The following XXYLT1 variants were observed in gnomAD, a reference collection of about 807,000 sequenced individuals.
XXYLT1 encodes the protein UDP-xylose:alpha-xyloside alpha-1,3-xylosyltransferase.
In XXYLT1, 20 loss-of-function variants were observed where a neutral mutation model predicts 28.9. The ratio of observed to expected loss-of-function variants is 0.69; its 90% CI spans 0.49 to 1.00. XXYLT1 has a LOEUF of 1.00. Among genes scored for constraint, XXYLT1 ranks in the 50% least tolerant of loss-of-function variants. XXYLT1 has a pLI of 0.00. For missense variants in XXYLT1, 542 were observed against 560.1 expected (o/e 0.97, Z 0.33); for synonymous variants, 257 against 253.8 (o/e 1.01, Z -0.12).
At position 195,078,055 on chromosome 3, in the gene XXYLT1, G is replaced by T. The variant is rs1047836729; in HGVS notation, c.786-7944C>A. 6.6e-6 allele frequency among the ~76,000 whole-genome samples: 1 copy of T among 152,150 alleles called. No homozygotes were observed. The highest frequency in any genetic ancestry group is 6.5e-5 in the Admixed American group (1 of 15,284). ...ATGAGGGGGAAGAGGCAGTGGAGGG[G>T]CTTTAAGCCTGGATCCCTACTCAGA... On this transcript the variant is annotated intron_variant, in intron 3 of 3. Transcript: ENST00000310380. This position sits in a 1 kb window ranked among gnomAD's most constrained non-coding sequence, Gnocchi z 5.0.
At chr3:195,142,305 CT>C (rs1560116170) in intron 3 of XXYLT1, among the ~76,000 whole-genome samples, 1 of 152,314 alleles carries the variant, frequency 6.6e-6, no homozygotes, top group South Asian at 2.1e-4. Context: ...TGATGTTTAT[CT>C]TTACTTACTA....
intron 2 of XXYLT1, among the ~76,000 whole-genome samples, chr3:195,187,083 C>G (rs114373772): frequency 2.0e-5 from 3 of 150,846 alleles, no homozygotes; most frequent in African/African-American, 7.3e-5. Flanking sequence ...TTAATAGAGA[C>G]GGGAATTAGC....
At chr3:195,248,244 C>T (rs1244833178) in intron 1 of XXYLT1, among the ~76,000 whole-genome samples, 3 of 152,180 alleles carry the variant, frequency 2.0e-5, no homozygotes. Context: ...TCAACAGATA[C>T]TACCTCAGGA....
chr3:195,165,407 G>A (rs576983957), intron 2 of XXYLT1, among the ~76,000 whole-genome samples: 26 of 152,260 alleles, frequency 1.7e-4, no homozygotes, highest in South Asian at 6.2e-4. Context: ...TTCTCAGCGA[G>A]AGGAAGATGT....
intron 3 of XXYLT1, among the ~76,000 whole-genome samples, chr3:195,108,135 T>G (rs1373765861): frequency 2.6e-5 from 4 of 152,244 alleles, no homozygotes; most frequent in Admixed American, 2.6e-4. Flanking sequence ...GAGGCAACCC[T>G]GGGTCACCTG....
At chr3:195,185,616 C>T (rs1722165081) in intron 2 of XXYLT1, among the ~76,000 whole-genome samples, 1 of 150,904 alleles carries the variant, frequency 6.6e-6, no homozygotes, top group Non-Finnish European at 1.5e-5. Flanking sequence ...AGAGCTGTGG[C>T]ACACATTATT....
intron 3 of XXYLT1, among the ~76,000 whole-genome samples, chr3:195,112,564 G>A (rs74969949): frequency 0.028 from 4,087 of 146,072 alleles, 157 homozygotes; most frequent in African/African-American, 0.099. Context: ...GCTAGATGAA[G>A]CAGTGCACAC....
intron 3 of XXYLT1, chr3:195,153,775 G>A (rs993484845): frequency 6.6e-6 from 1 of 152,188 alleles, no homozygotes; most frequent in African/African-American, 2.4e-5. Flanking sequence ...TATATCACAT[G>A]AGAAGATTCC....
rs1375965313 is a variant in XXYLT1 at position 195,115,411 on chromosome 3, G to A, written c.785+41038C>T. On this transcript the variant is annotated intron_variant, in intron 3 of 3. Transcript: ENST00000310380. The surrounding 1 kb of genome is among the most constrained non-coding windows in gnomAD (Gnocchi z 4.2). Reference sequence around the variant, plus strand: ...GCTGGCAACAGCTGCTTCTGAACTAGCCAGGAGTCCTTCAAAAGGCCCAGC... The same window carrying A: ...GCTGGCAACAGCTGCTTCTGAACTAACCAGGAGTCCTTCAAAAGGCCCAGC... 6.6e-6 allele frequency among the ~76,000 whole-genome samples: 1 copy of A among 152,180 alleles called. No homozygotes were observed. The highest frequency in any genetic ancestry group is 1.5e-5 in the Non-Finnish European group (1 of 68,054).
At chr3:195,109,414 GGT>G (rs56018737) in intron 3 of XXYLT1, among the ~76,000 whole-genome samples, 4 of 150,952 alleles carry the variant, frequency 2.6e-5, no homozygotes, top group East Asian at 1.9e-4. Flanking sequence ...GCATGTGTAT[GGT>G]GTGTGTGTTG....
chr3:195,213,926 A>G (rs2108783349), intron 2 of XXYLT1, among the ~76,000 whole-genome samples: 1 of 152,304 alleles, frequency 6.6e-6, no homozygotes, highest in South Asian at 2.1e-4. Context: ...AGGAGTCACG[A>G]GGGGTTTAGG....
chr3:195,196,385 C>T (rs1404296619), intron 2 of XXYLT1, among the ~76,000 whole-genome samples: 2 of 152,198 alleles, frequency 1.3e-5, no homozygotes, highest in African/African-American at 4.8e-5. Context: ...TTCCCCACAG[C>T]CTACAGGGTC....
rs1349316187 is a variant in XXYLT1, at chr3:195,129,652, C to A, written c.785+26797G>T. Among the ~76,000 whole-genome samples the A allele has an allele frequency of 1.3e-5, 2 of 152,152 alleles. No individual in the cohort carries two copies. Among genetic ancestry groups the A allele is most frequent in the Non-Finnish European group, 2.9e-5 (2 of 68,044 alleles). On this transcript the variant is annotated intron_variant, in intron 3 of 3. Coordinates refer to ENST00000310380, the MANE Select transcript of XXYLT1 (RefSeq NM_152531.5). The surrounding 1 kb of genome is among the most constrained non-coding windows in gnomAD (Gnocchi z 4.4). The stretch of plus-strand genomic sequence containing the variant: ...ACATTTGGTGATTTCCACCTTTTGG[C>A]TATTATGAATAATGCTGATATGAAT...
intron 2 of XXYLT1, among the ~76,000 whole-genome samples, chr3:195,162,419 T>C (rs910130616): frequency 6.6e-6 from 1 of 152,234 alleles, no homozygotes; most frequent in Non-Finnish European, 1.5e-5. Flanking sequence ...GAGTGATTTA[T>C]GCAACCTGTT....
intron 1 of XXYLT1, among the ~76,000 whole-genome samples, chr3:195,245,141 T>C (rs1214148333): frequency 6.6e-6 from 1 of 150,882 alleles, no homozygotes; most frequent in African/African-American, 2.4e-5. Flanking sequence ...TCTTCAGCCT[T>C]ATGTGTAGCC....
rs151201373 is a variant in XXYLT1 at position 195,115,122 on chromosome 3, C to T, written c.785+41327G>A. ...AAACTAAGCTTCCCAGATGCCCAAA[C>T]GGCGAGAGCTCGGGACGTGAATCAG... On this transcript the variant is annotated intron_variant, in intron 3 of 3. Transcript: ENST00000310380. The surrounding 1 kb of genome is among the most constrained non-coding windows in gnomAD (Gnocchi z 4.2). Among the ~76,000 whole-genome samples the T allele has an allele frequency of 7.2e-5, 11 of 152,328 alleles. No individual in the cohort carries two copies. Among genetic ancestry groups the T allele is most frequent in the South Asian group, 6.2e-4 (3 of 4,832 alleles).
intron 2 of XXYLT1, among the ~76,000 whole-genome samples, chr3:195,223,859 T>C (rs1472655872): frequency 6.6e-6 from 1 of 152,142 alleles, no homozygotes; most frequent in Non-Finnish European, 1.5e-5. Context: ...TTGGGGCACA[T>C]GTAAAAATGA....
At chr3:195,098,895 C>T (rs1716608369) in intron 3 of XXYLT1, among the ~76,000 whole-genome samples, 1 of 152,218 alleles carries the variant, frequency 6.6e-6, no homozygotes, top group Non-Finnish European at 1.5e-5. Flanking sequence ...CAGGGCTTTC[C>T]GTCCCATGTT....
intron 2 of XXYLT1, among the ~76,000 whole-genome samples, chr3:195,212,536 C>T (rs1291322267): frequency 1.3e-5 from 2 of 152,184 alleles, no homozygotes; most frequent in East Asian, 3.9e-4. Flanking sequence ...AGGAACCCGG[C>T]CGCACAGCAG....
Sources: gnomAD v4.1 joint callset for allele counts (sites outside exome capture counted in the v4.1 genomes callset) on GRCh38, gnomAD v4.1.1 for gene constraint, Gnocchi (gnomAD v3.1) non-coding constraint, MANE v1.5 for transcripts, NCBI Gene and HGNC (gene_info 2026-07-23, HGNC 2026-07-21) for gene names.